GALK2: variants seen among roughly 807,000 people sequenced by gnomAD.
GALK2 encodes galactokinase 2, also known as N-acetylgalactosamine kinase.
Under a neutral mutation model 52.4 loss-of-function variants are expected in GALK2, and 36 were observed. The ratio of observed to expected loss-of-function variants is 0.69; its 90% confidence interval spans 0.53 to 0.91. GALK2 has a LOEUF of 0.91. GALK2 is among the 40% of genes least tolerant of loss of function. The pLI, the probability that GALK2 is intolerant of heterozygous loss-of-function variation, is 0.00. For missense variants in GALK2, 579 were observed against 559.1 expected (o/e 1.04, Z -0.36); for synonymous variants, 176 against 199.1 (o/e 0.88, Z 0.98).
chr15:49,367,436 TA>T, intron 3 of GALK2: 2 of 1,543,900 alleles, frequency 1.3e-6, no homozygotes, highest in South Asian at 1.3e-5. Context: ...AGCAAAGCTT[TA>T]AAAAGGATAT....
intron 3 of GALK2, among the ~76,000 whole-genome samples, chr15:49,359,289 G>A (rs2043753348): frequency 7.7e-6 from 1 of 130,530 alleles, no homozygotes; most frequent in Non-Finnish European, 1.7e-5. Context: ...ACTACCATCA[G>A]AGTGAACAGG....
At chr15:49,337,989 G>A (rs867504739) in intron 3 of GALK2, among the ~76,000 whole-genome samples, 3 of 152,142 alleles carry the variant, frequency 2.0e-5, no homozygotes, top group Non-Finnish European at 4.4e-5. Flanking sequence ...CTTTATAGTA[G>A]AATGATTTAT....
rs1173115435 is a variant in GALK2, at chr15:49,329,730, A to AT, written c.*1577dup. 2 of 970,354 alleles carry AT rather than the reference A, an allele frequency of 2.1e-6. No individual in the cohort carries two copies. The highest frequency in any genetic ancestry group is 1.2e-4 in the East Asian group (1 of 8,658). The allele number at this position is 970,354 out of a possible 1,614,324, so 60.1% of individuals were successfully genotyped here. A position where few individuals can be genotyped will look rare whatever the true frequency, so the allele number is the denominator to read the frequency against. ...AATTTATTTAAATTTATAATCCTTT[A>AT]TTTTTTAATACCGTGCCATTTTCCA... is the stretch of plus-strand genomic sequence containing the variant. On this transcript the variant is annotated 3_prime_UTR_variant, in exon 10 of 10. Transcript: ENST00000560031.
chr15:49,166,721 A>G (rs1233005468), upstream of GALK2, among the ~76,000 whole-genome samples: 1 of 152,232 alleles, frequency 6.6e-6, no homozygotes, highest in Non-Finnish European at 1.5e-5. Context: ...AACAACAACA[A>G]CAAAAAAGAA....
intron 3 of GALK2, chr15:49,225,475 G>A: frequency 3.4e-6 from 1 of 295,528 alleles, no homozygotes; most frequent in South Asian, 2.9e-5. Flanking sequence ...GATCTAGGTT[G>A]CATGCTCCTT....
intron 8 of GALK2, among the ~76,000 whole-genome samples, chr15:49,295,162 AAGG>A (rs2034346801): frequency 1.3e-5 from 2 of 151,962 alleles, no homozygotes; most frequent in South Asian, 4.2e-4. Context: ...GAAAGAGAAG[AAGG>A]AGGGGAAGGA....
At chr15:49,362,326 C>G (rs1272783192) in intron 3 of GALK2, among the ~76,000 whole-genome samples, 1 of 152,124 alleles carries the variant, frequency 6.6e-6, no homozygotes, top group Non-Finnish European at 1.5e-5. Context: ...CCTACCACCA[C>G]GTGAAGAAGG....
At chr15:49,354,503 C>T (rs1182671601) in intron 3 of GALK2, among the ~76,000 whole-genome samples, 9 of 152,334 alleles carry the variant, frequency 5.9e-5, no homozygotes, top group Admixed American at 1.3e-4. Flanking sequence ...CCTGGAAAAT[C>T]GTGTCACTCC....
chr15:49,215,714 A>G (rs530688225), intron 2 of GALK2, among the ~76,000 whole-genome samples: 3 of 152,178 alleles, frequency 2.0e-5, no homozygotes, highest in Non-Finnish European at 2.9e-5. Flanking sequence ...ATACATCTCC[A>G]TCTTTCTGGG....
chr15:49,210,727 C>G lies in GALK2; in HGVS notation c.143-6463C>G, dbSNP rs74849546. On this transcript the variant is annotated intron_variant, in intron 2 of 9. Coordinates refer to ENST00000560031, the MANE Select transcript of GALK2 (RefSeq NM_002044.4). ...GAGTGTTAGGATTACAGGCGTGAGT[C>G]GCCGTGCCTGGTCTATTTTATTTTA... is the stretch of plus-strand genomic sequence containing the variant. Among the ~76,000 whole-genome samples, 379 of 152,148 alleles carry G rather than the reference C, an allele frequency of 2.5e-3. 5 individuals carry two copies. The East Asian group carries it at 0.04, about 16-fold the overall frequency.
intron 1 of GALK2, chr15:49,185,686 A>G (rs1456913434): frequency 6.6e-6 from 1 of 152,016 alleles, no homozygotes; most frequent in African/African-American, 2.4e-5. Flanking sequence ...TGGGTATCTC[A>G]TTGTGGTTTT....
intron 1 of GALK2, among the ~76,000 whole-genome samples, chr15:49,192,293 CT>C (rs140433688): frequency 0.031 from 4,697 of 151,508 alleles, 141 homozygotes; most frequent in African/African-American, 0.071. Flanking sequence ...TTGCTTTTTT[CT>C]TTTAACATAG....
At chr15:49,327,842 G>T in intron 9 of GALK2, 110 bp from the exon 10 acceptor site, 1 of 970,296 alleles carries the variant, frequency 1.0e-6, no homozygotes, top group Non-Finnish European at 1.5e-6. Context: ...TAAAAACCCC[G>T]CATGTATTTT....
chr15:49,173,264 G>A (rs374237373), intron 1 of GALK2, among the ~76,000 whole-genome samples: 3 of 152,080 alleles, frequency 2.0e-5, no homozygotes, highest in African/African-American at 7.2e-5. Context: ...TCCTTTTTAT[G>A]GTTAAATAAT....
At chr15:49,237,783 C>G (rs1177108041) in intron 4 of GALK2, among the ~76,000 whole-genome samples, 1 of 152,028 alleles carries the variant, frequency 6.6e-6, no homozygotes, top group Non-Finnish European at 1.5e-5. Context: ...CTGATAAGTT[C>G]TTAAGTGTGA....
chr15:49,162,451 T>C (rs1031904234), intron 1 of GALK2, among the ~76,000 whole-genome samples: 12 of 152,232 alleles, frequency 7.9e-5, no homozygotes, highest in African/African-American at 2.9e-4. Flanking sequence ...TAAGAACATT[T>C]GTGCACAAGT....
At chr15:49,219,323 T>C (rs1409874302) in intron 3 of GALK2, among the ~76,000 whole-genome samples, 1 of 152,202 alleles carries the variant, frequency 6.6e-6, no homozygotes, top group Non-Finnish European at 1.5e-5. Context: ...GGAGTTTCCC[T>C]GCACAAGCTC....
chr15:49,311,096 T>G (rs2035952194), intron 8 of GALK2, among the ~76,000 whole-genome samples: 1 of 152,240 alleles, frequency 6.6e-6, no homozygotes, highest in Non-Finnish European at 1.5e-5. Flanking sequence ...TCTATTTGTC[T>G]TCTTCTGCAT....
At chr15:49,364,729 T>C (rs1342074813) in intron 3 of GALK2, among the ~76,000 whole-genome samples, 2 of 152,318 alleles carry the variant, frequency 1.3e-5, no homozygotes, top group East Asian at 3.9e-4. Flanking sequence ...ATAAAGCAGA[T>C]AAAATTTGCA....
Sources: allele counts gnomAD v4.1 joint callset (sites outside exome capture counted in the v4.1 genomes callset), GRCh38; gene constraint gnomAD v4.1.1; transcripts MANE v1.5; gene names NCBI Gene and HGNC (gene_info 2026-07-23, HGNC 2026-07-21).